The following NLGN1 variants were observed in gnomAD, a reference collection of about 807,000 sequenced individuals.
The protein encoded by NLGN1 is neuroligin-1.
Under a neutral mutation model 65.5 loss-of-function variants are expected in NLGN1, and 12 were observed. The observed-to-expected ratio is 0.18, with a 90% confidence interval of 0.12 to 0.30. The LOEUF is 0.30. Among genes scored for constraint, NLGN1 ranks in the 10% least tolerant of loss-of-function variants. The probability of loss-of-function intolerance (pLI) is 1.00; values close to 1 mark genes in which losing one functional copy is unlikely to be tolerated. For synonymous variants in NLGN1, 350 were observed against 359.5 expected (o/e 0.97, Z 0.30); for missense variants, 750 against 1,007.1 (o/e 0.74, Z 3.46).
At chr3:173,433,358 C>T (rs1377784886) in intron 1 of NLGN1, among the ~76,000 whole-genome samples, 2 of 152,236 alleles carry the variant, frequency 1.3e-5, no homozygotes, top group Admixed American at 6.5e-5. Flanking sequence ...ACAGTGTTCC[C>T]TCCCTGTCTG....
At chr3:173,581,787 C>A (rs1432119453) in intron 2 of NLGN1, among the ~76,000 whole-genome samples, 1 of 151,696 alleles carries the variant, frequency 6.6e-6, no homozygotes, top group East Asian at 1.9e-4. Context: ...TAAAGATTCA[C>A]AGGAATAATG....
rs147536619 is a variant in NLGN1 at position 173,963,418 on chromosome 3, G to A, written c.646+155586G>A. ...AAAAATCATAAATTTCACTTCACAG[G>A]TTACATTTTACATGAGTGGGAAATT... On this transcript the variant is annotated intron_variant, in intron 4 of 6. Transcript: ENST00000457714. Among the ~76,000 whole-genome samples the A allele has an allele frequency of 6.7e-3, 1,016 of 152,184 alleles. 10 individuals carry two copies. Among genetic ancestry groups the A allele is most frequent in the African/African-American group, 0.023 (975 of 41,516 alleles).
intron 3 of NLGN1, among the ~76,000 whole-genome samples, chr3:173,710,038 A>T (rs959073479): frequency 2.0e-5 from 3 of 152,182 alleles, no homozygotes; most frequent in Non-Finnish European, 2.9e-5. Flanking sequence ...TATTAGTTGT[A>T]CTTTCATATA....
chr3:173,558,307 G>T (rs1321256863), intron 2 of NLGN1, among the ~76,000 whole-genome samples: 1 of 151,824 alleles, frequency 6.6e-6, no homozygotes, highest in African/African-American at 2.4e-5. Flanking sequence ...TTTTCTTCCT[G>T]TTCATCCTAC....
intron 2 of NLGN1, among the ~76,000 whole-genome samples, chr3:173,544,676 A>T (rs1739468054): frequency 6.6e-6 from 1 of 152,214 alleles, no homozygotes; most frequent in South Asian, 2.1e-4. Context: ...CAGGAAAAAA[A>T]TAAGTTAAAA....
intron 4 of NLGN1, among the ~76,000 whole-genome samples, chr3:174,258,499 C>T (rs1368584842): frequency 6.6e-6 from 1 of 152,072 alleles, no homozygotes; most frequent in Non-Finnish European, 1.5e-5. Flanking sequence ...ATACTTACCC[C>T]ATGCAAAGGG....
At chr3:174,061,175 A>G (rs775199725) in intron 4 of NLGN1, among the ~76,000 whole-genome samples, 2 of 152,040 alleles carry the variant, frequency 1.3e-5, no homozygotes, top group African/African-American at 2.4e-5. Context: ...CTGCACACAG[A>G]TTGTAAAAGG....
At chr3:173,894,210 C>G (rs1287705733) in intron 4 of NLGN1, among the ~76,000 whole-genome samples, 1 of 152,098 alleles carries the variant, frequency 6.6e-6, no homozygotes, top group Non-Finnish European at 1.5e-5. Flanking sequence ...TTATCATCAT[C>G]AACATCATAT....
chr3:174,216,225 C>G (rs1011237512), intron 4 of NLGN1, among the ~76,000 whole-genome samples: 1 of 152,126 alleles, frequency 6.6e-6, no homozygotes, highest in Admixed American at 6.5e-5. Flanking sequence ...GCACCACCCT[C>G]TGTACATCTT....
intron 4 of NLGN1, among the ~76,000 whole-genome samples, chr3:174,059,534 G>C (rs1736936878): frequency 6.6e-6 from 1 of 152,060 alleles, no homozygotes; most frequent in Non-Finnish European, 1.5e-5. Flanking sequence ...AGTATGCTAA[G>C]CTAAACCAGA....
chr3:173,439,292 T>G (rs535724585), intron 2 of NLGN1, among the ~76,000 whole-genome samples: 2 of 152,162 alleles, frequency 1.3e-5, no homozygotes, highest in Non-Finnish European at 2.9e-5. Flanking sequence ...AGTTTTAGTA[T>G]TATATTAACA....
At chr3:173,496,318 G>A (rs1417762660) in intron 2 of NLGN1, among the ~76,000 whole-genome samples, 1 of 151,758 alleles carries the variant, frequency 6.6e-6, no homozygotes, top group Non-Finnish European at 1.5e-5. Flanking sequence ...AATATTCTAG[G>A]ATACTGGGGA....
At chr3:173,640,274 A>G (rs1439204182) in intron 3 of NLGN1, among the ~76,000 whole-genome samples, 2 of 152,158 alleles carry the variant, frequency 1.3e-5, no homozygotes, top group Admixed American at 1.3e-4. Context: ...TTTACATTTT[A>G]GAAGAAAGGT....
intron 4 of NLGN1, among the ~76,000 whole-genome samples, chr3:173,925,735 G>C (rs1235726760): frequency 6.6e-6 from 1 of 152,072 alleles, no homozygotes; most frequent in African/African-American, 2.4e-5. Flanking sequence ...ATATGTAAGT[G>C]TATTCTAAGA....
At chr3:173,878,865 G>A (rs1195630057) in intron 4 of NLGN1, among the ~76,000 whole-genome samples, 3 of 152,018 alleles carry the variant, frequency 2.0e-5, no homozygotes, top group Admixed American at 6.6e-5. Context: ...GAGTTATGTG[G>A]ATATTTACAC....
intron 4 of NLGN1, among the ~76,000 whole-genome samples, chr3:174,064,814 A>G (rs932857326): frequency 1.3e-5 from 2 of 150,592 alleles, no homozygotes; most frequent in Non-Finnish European, 3.0e-5. Context: ...GAGTAAAAAA[A>G]GAAATAAGAA....
At chr3:173,886,208 A>G (rs1215816673) in intron 4 of NLGN1, among the ~76,000 whole-genome samples, 1 of 152,088 alleles carries the variant, frequency 6.6e-6, no homozygotes, top group Non-Finnish European at 1.5e-5. Flanking sequence ...AAAACAGTAT[A>G]ATTATAGCAA....
chr3:173,520,710 T>C (rs769195521), intron 2 of NLGN1, among the ~76,000 whole-genome samples: 2 of 152,148 alleles, frequency 1.3e-5, no homozygotes, highest in Non-Finnish European at 2.9e-5. Context: ...AAAAACTTAG[T>C]TTTTGGAGAA....
At chr3:173,975,800 A>G (rs1411047764) in intron 4 of NLGN1, among the ~76,000 whole-genome samples, 1 of 151,868 alleles carries the variant, frequency 6.6e-6, no homozygotes, top group Non-Finnish European at 1.5e-5. Flanking sequence ...TTTTGGTGGC[A>G]TTTTTATGTT....
Sources: gnomAD v4.1 joint callset for allele counts (sites outside exome capture counted in the v4.1 genomes callset) on GRCh38, gnomAD v4.1.1 for gene constraint, MANE v1.5 for transcripts, NCBI Gene and HGNC (gene_info 2026-07-23, HGNC 2026-07-21) for gene names.